FAM117B: variants seen among roughly 807,000 people sequenced by gnomAD.
FAM117B encodes family with sequence similarity 117 member B, also known as protein FAM117B.
A neutral mutation model predicts 52.8 loss-of-function variants in FAM117B; 22 were observed. The observed-to-expected ratio is 0.42, with a 90% CI of 0.30 to 0.59. The LOEUF (loss-of-function observed/expected upper bound fraction) is 0.59. FAM117B is among the 20% of genes least tolerant of loss of function. FAM117B has a pLI of 0.22. For synonymous variants in FAM117B, 309 were observed against 324.1 expected (o/e 0.95, Z 0.50); for missense variants, 678 against 802.6 (o/e 0.84, Z 1.88).
intron 1 of FAM117B, among the ~76,000 whole-genome samples, chr2:202,682,733 AAGTC>A (rs1321217169): frequency 6.6e-6 from 1 of 152,238 alleles, no homozygotes; most frequent in African/African-American, 2.4e-5. Flanking sequence ...ATTAAATTAG[AAGTC>A]AGTAACAGAA....
At chr2:202,760,798 A>G (rs901931876) in intron 7 of FAM117B, among the ~76,000 whole-genome samples, 2 of 152,158 alleles carry the variant, frequency 1.3e-5, no homozygotes, top group Non-Finnish European at 2.9e-5. Flanking sequence ...GAGTGGAACC[A>G]TGTGTTTCTT....
At chr2:202,693,987 A>G (rs1160170597) in intron 1 of FAM117B, among the ~76,000 whole-genome samples, 1 of 152,102 alleles carries the variant, frequency 6.6e-6, no homozygotes, top group African/African-American at 2.4e-5. Context: ...AATGTGGTCC[A>G]TTTATTTAGG....
At chr2:202,732,088 A>G (rs1185155392) in intron 4 of FAM117B, among the ~76,000 whole-genome samples, 4 of 139,672 alleles carry the variant, frequency 2.9e-5, no homozygotes, top group African/African-American at 8.1e-5. Context: ...ATGGGGTTTC[A>G]CCTTGTTGGC....
intron 2 of FAM117B, among the ~76,000 whole-genome samples, chr2:202,709,160 A>C (rs1002901857): frequency 6.7e-6 from 1 of 149,050 alleles, no homozygotes; most frequent in South Asian, 2.1e-4. Context: ...AGAAATGTCT[A>C]TTCAAGTCCT....
chr2:202,639,212 T>C (rs1274198557), intron 1 of FAM117B, among the ~76,000 whole-genome samples: 1 of 152,208 alleles, frequency 6.6e-6, no homozygotes, highest in Non-Finnish European at 1.5e-5. Flanking sequence ...AGGTGTCTTA[T>C]CAGATGAACT....
chr2:202,652,053 A>T (rs1462502456), intron 1 of FAM117B, among the ~76,000 whole-genome samples: 9 of 108,394 alleles, frequency 8.3e-5, no homozygotes, highest in Admixed American at 2.7e-4. Flanking sequence ...AACTCTGTCT[A>T]AAAAAAAAAA....
At chr2:202,710,281 C>T (rs1390978608) in intron 2 of FAM117B, among the ~76,000 whole-genome samples, 6 of 151,972 alleles carry the variant, frequency 3.9e-5, no homozygotes, top group African/African-American at 7.2e-5. Context: ...TTGTTTATGT[C>T]GTCTTTAATT....
At chr2:202,659,453 G>A (rs189487543) in intron 1 of FAM117B, among the ~76,000 whole-genome samples, 1 of 151,940 alleles carries the variant, frequency 6.6e-6, no homozygotes, top group African/African-American at 2.4e-5. Context: ...GGCATTATGG[G>A]CGCACATAAT....
intron 2 of FAM117B, among the ~76,000 whole-genome samples, chr2:202,701,457 AT>A (rs1292828063): frequency 6.6e-6 from 1 of 152,206 alleles, no homozygotes; most frequent in African/African-American, 2.4e-5. Flanking sequence ...CCAAGAAATA[AT>A]TTTGACTTTC....
At position 202,635,112 on chromosome 2, in the gene FAM117B, C is replaced by A. The variant is rs891346570; in HGVS notation, c.-76C>A. ...CGTCTTGGGGGGCCTGCCCTCCGGC[C>A]TCGAGAATCCTCCCCCTGCAGCCCA... On this transcript the variant is annotated 5_prime_UTR_variant, in exon 1 of 8. Coordinates refer to ENST00000392238, the MANE Select transcript of FAM117B (RefSeq NM_173511.4). 3 of 1,251,322 alleles carry A rather than the reference C, an allele frequency of 2.4e-6. No individual in the cohort carries two copies. In the African/African-American group the frequency reaches 4.7e-5, roughly 19 times the overall value. The allele number at this position is 1,251,322 out of a possible 1,614,324, so 77.5% of individuals were successfully genotyped here. A position where few individuals can be genotyped will look rare whatever the true frequency, so the allele number is the denominator to read the frequency against.
intron 7 of FAM117B, among the ~76,000 whole-genome samples, chr2:202,764,971 C>T (rs1344505161): frequency 1.3e-5 from 2 of 152,154 alleles, no homozygotes; most frequent in African/African-American, 2.4e-5. Context: ...TAGCAAAAGA[C>T]GGACATTGTA....
chr2:202,723,523 G>A (rs1247126123), intron 2 of FAM117B, among the ~76,000 whole-genome samples: 5 of 151,988 alleles, frequency 3.3e-5, no homozygotes, highest in Non-Finnish European at 5.9e-5. Flanking sequence ...CTATACACAC[G>A]GTACTGAGCC....
intron 7 of FAM117B, among the ~76,000 whole-genome samples, chr2:202,763,131 G>C (rs1691921581): frequency 6.8e-6 from 1 of 147,322 alleles, no homozygotes; most frequent in Admixed American, 6.8e-5. Context: ...GAGTGCAGTG[G>C]TGTGATCTTG....
intron 2 of FAM117B, among the ~76,000 whole-genome samples, chr2:202,698,868 T>G (rs1250371674): frequency 2.0e-5 from 3 of 152,198 alleles, no homozygotes; most frequent in African/African-American, 7.2e-5. Flanking sequence ...ACATTTAAAT[T>G]TGTAGAAGTT....
chr2:202,678,805 G>A (rs1690418802), intron 1 of FAM117B, among the ~76,000 whole-genome samples: 1 of 152,078 alleles, frequency 6.6e-6, no homozygotes, highest in African/African-American at 2.4e-5. Flanking sequence ...TGATCTGTCC[G>A]CCTCTGCCTC....
chr2:202,689,881 G>C (rs1185553801), intron 1 of FAM117B, among the ~76,000 whole-genome samples: 4 of 152,080 alleles, frequency 2.6e-5, no homozygotes, highest in African/African-American at 9.7e-5. Flanking sequence ...TCCCACCGCT[G>C]CTGTGAGCCC....
chr2:202,665,938 C>A (rs1049397670), intron 1 of FAM117B, among the ~76,000 whole-genome samples: 10 of 152,304 alleles, frequency 6.6e-5, no homozygotes, highest in Admixed American at 5.9e-4. Flanking sequence ...AAAATTCTGC[C>A]TACTGTAGTC....
At chr2:202,675,984 C>CAAAAAAAAA (rs778502048) in intron 1 of FAM117B, among the ~76,000 whole-genome samples, 2 of 56,748 alleles carry the variant, frequency 3.5e-5, no homozygotes, top group African/African-American at 1.2e-4. Flanking sequence ...GACACAGTCT[C>CAAAAAAAAA]AAAAAAAAAA....
rs193178985 is a variant in FAM117B at position 202,635,226 on chromosome 2, G to T, written c.39G>T (p.Pro13=). Residue 13 remains proline (P), a synonymous_variant, in exon 1 of 8, where the codon CCG becomes CCT. Transcript: ENST00000392238. ...QRVRRNGSPT[P]AGSLGGGAVA... ...TGAGGCGCAATGGGTCCCCCACGCC[G>T]GCCGGCTCCCTTGGGGGTGGTGCGG... 1 of 1,306,938 alleles carries T rather than the reference G, an allele frequency of 7.7e-7. No homozygotes were observed. The highest frequency in any genetic ancestry group is 3.1e-5 in the East Asian group (1 of 32,294). The allele number at this position is 1,306,938 out of a possible 1,614,324, so 81.0% of individuals were successfully genotyped here.
Sources: allele counts gnomAD v4.1 joint callset (sites outside exome capture counted in the v4.1 genomes callset), GRCh38; gene constraint gnomAD v4.1.1; transcripts MANE v1.5; gene names NCBI Gene and HGNC (gene_info 2026-07-23, HGNC 2026-07-21).